Variants in GRHL3 observed in about 807,000 individuals in gnomAD.
GRHL3 encodes the protein grainyhead like transcription factor 3.
A neutral mutation model predicts 70.3 loss-of-function variants in GRHL3; 20 were observed. The observed-to-expected ratio is 0.28, with a 90% confidence interval of 0.20 to 0.41. The LOEUF (loss-of-function observed/expected upper bound fraction) is 0.41, where lower values mean the gene tolerates loss of function less well. Ranked by LOEUF, GRHL3 falls within the 10% of genes least tolerant of loss-of-function variation. GRHL3 has a pLI of 1.00. For synonymous variants in GRHL3, 299 were observed against 299.9 expected (o/e 1.00, Z 0.03); for missense variants, 637 against 762.3 (o/e 0.84, Z 1.94).
rs758037551 is a variant in GRHL3 at position 24,339,779 on chromosome 1, G to A, written c.1047+17G>A. On this transcript the variant is annotated intron_variant, in intron 8 of 15. Coordinates refer to ENST00000361548, the MANE Select transcript of GRHL3 (RefSeq NM_198173.3). ...GAGGCCAAGGTCAGTGCTGAGGGCAGTGGCTGGGATGGGACTGGGCTGCCT... is the reference window on the plus strand; with the variant it reads ...GAGGCCAAGGTCAGTGCTGAGGGCAATGGCTGGGATGGGACTGGGCTGCCT... 4 of 1,572,730 alleles carry A rather than the reference G, an allele frequency of 2.5e-6. No homozygotes were observed. Among genetic ancestry groups the A allele is most frequent in the Admixed American group, 1.7e-5 (1 of 59,126 alleles).
intron 2 of GRHL3, among the ~76,000 whole-genome samples, chr1:24,333,569 T>G (rs370636489): frequency 2.0e-5 from 3 of 152,340 alleles, no homozygotes; most frequent in East Asian, 3.9e-4. Flanking sequence ...CTAGGTGCTA[T>G]TCTGAGTGTT....
chr1:24,344,776 A>T, intron 11 of GRHL3, 121 bp from the exon 12 acceptor site: 1 of 1,059,764 alleles, frequency 9.4e-7, no homozygotes, highest in Non-Finnish European at 1.5e-6. Context: ...CTAGAAAGGC[A>T]TTGTAACAGT....
At chr1:24,357,715 A>T (rs1640815063), downstream of GRHL3, 1 of 167,454 alleles carries the variant, frequency 6.0e-6, no homozygotes, top group Non-Finnish European at 1.3e-5. Context: ...CCCACCGCGA[A>T]TCTGTGCAGC....
intron 1 of GRHL3, among the ~76,000 whole-genome samples, chr1:24,329,753 A>G (rs1459578897): frequency 6.6e-6 from 1 of 152,232 alleles, no homozygotes; most frequent in Non-Finnish European, 1.5e-5. Flanking sequence ...TGCCTGGCCC[A>G]TGTAGAAAGG....
chr1:24,337,500 GC>G, intron 5 of GRHL3, 135 bp from the exon 6 acceptor site: 1 of 892,712 alleles, frequency 1.1e-6, no homozygotes, highest in Non-Finnish European at 1.7e-6. Flanking sequence ...GGAAACTGGG[GC>G]CCAAGGAAGT....
chr1:24,331,295 T>C, intron 1 of GRHL3, 131 bp from the exon 2 acceptor site: 4 of 786,576 alleles, frequency 5.1e-6, no homozygotes, highest in Non-Finnish European at 8.2e-6. Flanking sequence ...CACTGCCTAA[T>C]GGTGGCAGAA....
rs1640194090 is a variant in GRHL3 at position 24,344,989 on chromosome 1, GCCCCCTC to G, written c.1454+60_1454+66del. The G allele has an allele frequency of 2.7e-5, 14 of 515,330 alleles. No individual in the cohort carries two copies. The African/African-American group carries it at 4.8e-4, about 18-fold the overall frequency. 31.9% of individuals were successfully genotyped at this position (515,330 alleles called of 1,614,324 possible). A position where few individuals can be genotyped will look rare whatever the true frequency, so the allele number is the denominator to read the frequency against. On this transcript the variant is annotated intron_variant, in intron 12 of 15. Transcript: ENST00000361548. ...ACACCTGTGCACCCTCCACACCTGT[GCCCCCTC>G]CACACCTGTGCCTCCGCCACACCTG...
At chr1:24,330,386 G>A (rs956295544) in intron 1 of GRHL3, among the ~76,000 whole-genome samples, 3 of 152,194 alleles carry the variant, frequency 2.0e-5, no homozygotes, top group Non-Finnish European at 2.9e-5. Context: ...TCACCCTGAA[G>A]GAGCTTGAAT....
At position 24,336,840 on chromosome 1, in the gene GRHL3, C is replaced by G; in HGVS notation, c.612+13C>G. Reference sequence around the variant, plus strand: ...TGACCCACAGGAGGTGAGGGCGCATCCCCGCTCCCCTATAGCATAGATATG... The same window carrying G: ...TGACCCACAGGAGGTGAGGGCGCATGCCCGCTCCCCTATAGCATAGATATG... On this transcript the variant is annotated intron_variant, in intron 4 of 15. Transcript: ENST00000361548. 2 of 1,564,676 alleles carry G rather than the reference C, an allele frequency of 1.3e-6. No individual in the cohort carries two copies. Among genetic ancestry groups the G allele is most frequent in the Non-Finnish European group, 1.7e-6 (2 of 1,144,782 alleles).
chr1:24,338,236 G>T (rs1370245876), intron 7 of GRHL3, 133 bp downstream of exon 7: 4 of 599,814 alleles, frequency 6.7e-6, no homozygotes, highest in Middle Eastern at 8.5e-4. Context: ...ACACCGTGGG[G>T]TTTGCAAGGA....
chr1:24,356,998 C>T (rs1640748637), downstream of GRHL3: 1 of 151,436 alleles, frequency 6.6e-6, no homozygotes. Context: ...TACCCAAAAG[C>T]TCAATAAGCA....
Position 24,354,981 on chromosome 1 carries a change from A to T in GRHL3, c.*493A>T, listed in dbSNP as rs1398092644. On this transcript the variant is annotated 3_prime_UTR_variant, in exon 16 of 16. Transcript: ENST00000361548. The stretch of plus-strand genomic sequence containing the variant: ...GATTTTCAGTGCAAATGACTTTTAA[A>T]AGACACTATATTGGAGTCTCTTTCT... 1 of 156,214 alleles carries T rather than the reference A, an allele frequency of 6.4e-6. No individual in the cohort carries two copies. Among genetic ancestry groups the T allele is most frequent in the Non-Finnish European group, 1.4e-5 (1 of 70,320 alleles). 9.7% of individuals were successfully genotyped at this position (156,214 alleles called of 1,614,324 possible).
intron 15 of GRHL3, among the ~76,000 whole-genome samples, chr1:24,362,297 C>T (rs1412675514): frequency 6.6e-6 from 1 of 152,184 alleles, no homozygotes; most frequent in African/African-American, 2.4e-5. Flanking sequence ...ACAAAGTAAC[C>T]GATCCAGTTA....
chr1:24,324,306 G>A (rs1335625604), intron 1 of GRHL3, among the ~76,000 whole-genome samples: 4 of 152,054 alleles, frequency 2.6e-5, no homozygotes, highest in Non-Finnish European at 5.9e-5. Flanking sequence ...CCTGACCACC[G>A]TCAACTTGCC....
At position 24,336,554 on chromosome 1, in the gene GRHL3, G is replaced by T. The variant is rs770927831; in HGVS notation, c.339G>T (p.Leu113=). The change falls in exon 4 of 16, where the codon CTG becomes CTT. Residue 113 remains leucine (L), a synonymous_variant. Transcript: ENST00000361548. ...LESPTHLMKF[L]TENVSGTPEY... Reference sequence around the variant, plus strand: ...GCCCCACACACCTCATGAAATTCCTGACAGAGAACGTGTCTGGAACCCCAG... The same window carrying T: ...GCCCCACACACCTCATGAAATTCCTTACAGAGAACGTGTCTGGAACCCCAG... 3.7e-6 allele frequency: 6 copies of T among 1,613,416 alleles called. No individual in the cohort carries two copies. Among genetic ancestry groups the T allele is most frequent in the Non-Finnish European group, 8.5e-7 (1 of 1,179,716 alleles).
At chr1:24,357,399 T>TA (rs1640794886), downstream of GRHL3, 10 of 152,416 alleles carry the variant, frequency 6.6e-5, no homozygotes, top group Non-Finnish European at 1.0e-4. Context: ...AAGGTGGCGC[T>TA]TCTCAACCTA....
intron 6 of GRHL3, 89 bp from the exon 7 acceptor site, chr1:24,337,903 G>C (rs1639885836): frequency 6.4e-7 from 1 of 1,559,946 alleles, no homozygotes; most frequent in African/African-American, 1.4e-5. Context: ...CATTGCCACA[G>C]GGTTGGGGAA....
intron 15 of GRHL3, among the ~76,000 whole-genome samples, chr1:24,353,299 T>C (rs2148668303): frequency 6.6e-6 from 1 of 152,134 alleles, no homozygotes; most frequent in South Asian, 2.1e-4. Flanking sequence ...ATATGGTCCT[T>C]GTTTTTGAGC....
At chr1:24,335,042 CA>C in intron 3 of GRHL3, among the ~76,000 whole-genome samples, 1 of 139,048 alleles carries the variant, frequency 7.2e-6, no homozygotes, top group Admixed American at 6.8e-5. Flanking sequence ...CACACACACA[CA>C]CACACACACA....
Sources: allele counts gnomAD v4.1 joint callset (sites outside exome capture counted in the v4.1 genomes callset), GRCh38; gene constraint gnomAD v4.1.1; transcripts MANE v1.5; gene names NCBI Gene and HGNC (gene_info 2026-07-23, HGNC 2026-07-21).